CDH20: variants seen among roughly 807,000 people sequenced by gnomAD.
CDH20 encodes the protein cadherin-20.
A neutral mutation model predicts 74.2 loss-of-function variants in CDH20; 29 were observed. The observed-to-expected ratio is 0.39, with a 90% CI of 0.29 to 0.53. The LOEUF is 0.53. CDH20 is among the 20% of genes least tolerant of loss of function. CDH20 has a pLI of 0.69. For synonymous variants in CDH20, 469 were observed against 405.4 expected (o/e 1.16, Z -1.88); for missense variants, 988 against 1,048.3 (o/e 0.94, Z 0.79).
intron 8 of CDH20, 144 bp downstream of exon 8, chr18:61,536,773 C>A (rs17811317): frequency 8.6e-6 from 6 of 697,880 alleles, no homozygotes; most frequent in Non-Finnish European, 1.4e-5. Context: ...TAAGTAAATG[C>A]GTTCAGTTCA....
Position 61,490,619 on chromosome 18 carries a change from C to T in CDH20, c.66C>T (p.Phe22=). 5.6e-6 allele frequency: 9 copies of T among 1,614,142 alleles called. No homozygotes were observed. The highest frequency in any genetic ancestry group is 7.6e-6 in the Non-Finnish European group (9 of 1,180,012). The change falls in exon 2 of 12, where the codon TTC becomes TTT. Residue 22 remains phenylalanine, a synonymous_variant. Transcript: ENST00000262717. ...TTGGACTTGGCATGTCCTTGTACTT[C>T]TGGGGGCTGATGGACCTTACGACCA... ...NWLGLGMSLY[F]WGLMDLTTTV...
At chr18:61,385,565 A>G (rs1911566484) in intron 1 of CDH20, among the ~76,000 whole-genome samples, 8 of 150,300 alleles carry the variant, frequency 5.3e-5, no homozygotes. Flanking sequence ...ATGAAATGAA[A>G]AGGCAAAAAA....
At chr18:61,499,017 G>A (rs1380046358) in intron 2 of CDH20, among the ~76,000 whole-genome samples, 169 bp from the exon 3 acceptor site, 1 of 152,082 alleles carries the variant, frequency 6.6e-6, no homozygotes, top group Non-Finnish European at 1.5e-5. Context: ...CCCACTCCTT[G>A]ATACAATCGT....
At chr18:61,436,310 G>A (rs1464137926) in intron 1 of CDH20, among the ~76,000 whole-genome samples, 2 of 152,088 alleles carry the variant, frequency 1.3e-5, no homozygotes, top group South Asian at 2.1e-4. Context: ...CTGGGTAACT[G>A]TATGTGTAAC....
At position 61,411,429 on chromosome 18, in the gene CDH20, G is replaced by T. The variant is rs1166539075; in HGVS notation, c.-153+77602G>T. The stretch of plus-strand genomic sequence containing the variant: ...GTATCTACCCAGAAGAAATGAAGTG[G>T]TTATATGAAAAAGATACTTGCGCAT... On this transcript the variant is annotated intron_variant, in intron 1 of 11. Coordinates refer to ENST00000262717, the MANE Select transcript of CDH20 (RefSeq NM_031891.4). Among the ~76,000 whole-genome samples the T allele has an allele frequency of 3.3e-5, 5 of 152,120 alleles. No homozygotes were observed. The South Asian group carries it at 8.3e-4, about 25-fold the overall frequency.
At chr18:61,429,944 A>G (rs1424688451) in intron 1 of CDH20, among the ~76,000 whole-genome samples, 2 of 152,160 alleles carry the variant, frequency 1.3e-5, no homozygotes, top group Non-Finnish European at 2.9e-5. Flanking sequence ...TGGCTCCTAT[A>G]TATTGTGTCA....
intron 1 of CDH20, among the ~76,000 whole-genome samples, chr18:61,361,908 T>C (rs935373460): frequency 1.3e-5 from 2 of 152,186 alleles, no homozygotes; most frequent in African/African-American, 4.8e-5. Flanking sequence ...CCTATAATGA[T>C]TATAATTACA....
chr18:61,424,840 A>G (rs1913012580), intron 1 of CDH20, among the ~76,000 whole-genome samples: 1 of 152,162 alleles, frequency 6.6e-6, no homozygotes, highest in Non-Finnish European at 1.5e-5. Context: ...ATGAAATAAG[A>G]ACCTAGCCCT....
At chr18:61,351,184 G>T (rs926304055) in intron 1 of CDH20, among the ~76,000 whole-genome samples, 1 of 152,186 alleles carries the variant, frequency 6.6e-6, no homozygotes, top group African/African-American at 2.4e-5. Flanking sequence ...TAGCAGTACT[G>T]TGTAATGGTT....
intron 1 of CDH20, among the ~76,000 whole-genome samples, chr18:61,434,769 G>C (rs1451434461): frequency 6.6e-6 from 1 of 152,166 alleles, no homozygotes; most frequent in African/African-American, 2.4e-5. Context: ...AGGTAAGGCT[G>C]ATGATTAGTA....
chr18:61,490,748 G>A lies in CDH20; in HGVS notation c.195G>A (p.Gln65=). 2.5e-6 allele frequency: 4 copies of A among 1,614,182 alleles called. No individual in the cohort carries two copies. Among genetic ancestry groups the A allele is most frequent in the Middle Eastern group, 1.6e-4 (1 of 6,062 alleles). ...CCAAGAGGAGCTGGGTTTGGAACCA[G>A]TTTTTCGTTCTGGAAGAGTACACTG... ...QRTKRSWVWN[Q]FFVLEEYTGT... The change falls in exon 2 of 12, where the codon CAG becomes CAA. Residue 65 remains glutamine, a synonymous_variant. Coordinates refer to ENST00000262717, the MANE Select transcript of CDH20 (RefSeq NM_031891.4).
At chr18:61,387,704 G>T (rs529855622) in intron 1 of CDH20, among the ~76,000 whole-genome samples, 91 of 152,208 alleles carry the variant, frequency 6.0e-4, no homozygotes, top group African/African-American at 2.1e-3. Context: ...TTATATGTCT[G>T]CCAGCCAACT....
chr18:61,472,133 C>G (rs985788828), intron 1 of CDH20, among the ~76,000 whole-genome samples: 75 of 152,184 alleles, frequency 4.9e-4, no homozygotes, highest in African/African-American at 1.7e-3. Context: ...CAGACAAGGG[C>G]AACTGCCAGC....
chr18:61,419,802 G>C (rs1162600792), intron 1 of CDH20, among the ~76,000 whole-genome samples: 1 of 151,966 alleles, frequency 6.6e-6, no homozygotes, highest in Non-Finnish European at 1.5e-5. Context: ...TGATTATAAT[G>C]GTACAAGTGT....
chr18:61,545,085 A>G lies in CDH20; in HGVS notation c.1589A>G (p.Tyr530Cys), dbSNP rs1568185198. Residue 530 changes from tyrosine to cysteine, a missense_variant, in exon 10 of 12, where the codon TAC (tyrosine) becomes TGC (cysteine). Around this residue, in one of 2 missense-constraint regions of CDH20, gnomAD observed 613 missense variants for 755.2 expected, o/e 0.81. Coordinates refer to ENST00000262717, the MANE Select transcript of CDH20 (RefSeq NM_031891.4). ...QDDPRNGQHF[Y>C]YSLAPEAANN... The stretch of plus-strand genomic sequence containing the variant: ...GACCCACGCAATGGTCAGCATTTCT[A>G]CTACAGCTTGGCTCCTGAGGCTGCT... The G allele has an allele frequency of 1.9e-6, 3 of 1,613,912 alleles. No individual in the cohort carries two copies. Among genetic ancestry groups the G allele is most frequent in the East Asian group, 2.2e-5 (1 of 44,848 alleles).
At chr18:61,477,465 T>C (rs1010196216) in intron 1 of CDH20, among the ~76,000 whole-genome samples, 8 of 152,218 alleles carry the variant, frequency 5.3e-5, no homozygotes, top group African/African-American at 1.7e-4. Context: ...AAATTCTGTT[T>C]TCTGCAATTA....
intron 6 of CDH20, among the ~76,000 whole-genome samples, chr18:61,521,229 A>G (rs1348090834): frequency 1.3e-5 from 2 of 151,324 alleles, no homozygotes; most frequent in Non-Finnish European, 2.9e-5. Flanking sequence ...ACAATAAAAA[A>G]TGATAAAGGG....
intron 1 of CDH20, among the ~76,000 whole-genome samples, chr18:61,487,364 C>A (rs1910804214): frequency 6.6e-6 from 1 of 152,118 alleles, no homozygotes; most frequent in Non-Finnish European, 1.5e-5. Context: ...TAAAAAACAC[C>A]TCTAATTGTG....
intron 1 of CDH20, among the ~76,000 whole-genome samples, chr18:61,361,363 C>A (rs1419213941): frequency 6.6e-6 from 1 of 152,160 alleles, no homozygotes; most frequent in Admixed American, 6.5e-5. Flanking sequence ...CAGCACTGTA[C>A]CTTGTTTTCA....
Sources: allele counts gnomAD v4.1 joint callset (sites outside exome capture counted in the v4.1 genomes callset), GRCh38; gene constraint gnomAD v4.1.1; regional missense constraint gnomAD v4.1.1; transcripts MANE v1.5; gene names NCBI Gene and HGNC (gene_info 2026-07-23, HGNC 2026-07-21).